INPP4B: variants seen among roughly 807,000 people sequenced by gnomAD.
The protein encoded by INPP4B is inositol polyphosphate 4-phosphatase type II.
A neutral mutation model predicts 122.5 loss-of-function variants in INPP4B; 55 were observed. That is an observed-to-expected ratio of 0.45 (90% CI 0.36 to 0.56). The LOEUF (loss-of-function observed/expected upper bound fraction) is 0.56, where lower values mean the gene tolerates loss of function less well. INPP4B is among the 20% of genes least tolerant of loss of function. The pLI, the probability that INPP4B is intolerant of heterozygous loss-of-function variation, is 0.00. For missense variants in INPP4B, 1,000 were observed against 1,097.7 expected, an observed-to-expected ratio of 0.91 and a Z score of 1.26; for synonymous variants, 403 against 388.7, an observed-to-expected ratio of 1.04 and a Z score of -0.43.
rs144841703 is a variant in INPP4B, at chr4:142,053,851, C to T, written c.2643-24937G>A. 9.2e-3 allele frequency among the ~76,000 whole-genome samples: 1,407 copies of T among 152,158 alleles called. 16 individuals carry two copies. Among genetic ancestry groups the T allele is most frequent in the Non-Finnish European group, 0.014 (972 of 67,982 alleles). On this transcript the variant is annotated intron_variant, in intron 25 of 25. Coordinates refer to ENST00000262992, the MANE Select transcript of INPP4B (RefSeq NM_001101669.3). ...TAGACTCCAGTGACCATTCTCTAATCCACTTCAGGCCTAAGCTATTTGCAC... is the reference window on the plus strand; with the variant it reads ...TAGACTCCAGTGACCATTCTCTAATTCACTTCAGGCCTAAGCTATTTGCAC...
chr4:142,535,757 CTCT>C (rs1248074022), intron 2 of INPP4B, among the ~76,000 whole-genome samples: 2 of 124,338 alleles, frequency 1.6e-5, no homozygotes, highest in African/African-American at 5.3e-5. Flanking sequence ...AATCATCATT[CTCT>C]TTTTTTTTCC....
intron 22 of INPP4B, among the ~76,000 whole-genome samples, chr4:142,108,906 T>G (rs1788579232): frequency 6.6e-6 from 1 of 152,150 alleles, no homozygotes; most frequent in Non-Finnish European, 1.5e-5. Context: ...TGTATCTTCA[T>G]CAAAATCTCT....
At chr4:142,836,622 G>A (rs1005835775) in intron 1 of INPP4B, among the ~76,000 whole-genome samples, 8 of 150,928 alleles carry the variant, frequency 5.3e-5, no homozygotes, top group African/African-American at 1.7e-4. Context: ...AGACTAGAGA[G>A]GAAAAAAATT....
At chr4:142,592,976 T>C (rs1419511265) in intron 2 of INPP4B, among the ~76,000 whole-genome samples, 1 of 151,944 alleles carries the variant, frequency 6.6e-6, no homozygotes, top group Non-Finnish European at 1.5e-5. Flanking sequence ...TGGTGGTGCA[T>C]GCCTGTTCTC....
chr4:142,275,436 A>G (rs1747919137), intron 9 of INPP4B, among the ~76,000 whole-genome samples: 1 of 151,794 alleles, frequency 6.6e-6, no homozygotes, highest in African/African-American at 2.4e-5. Context: ...AGGAGTCTTC[A>G]GCTAGGAGAC....
At chr4:142,369,716 T>C (rs1308866470) in intron 7 of INPP4B, among the ~76,000 whole-genome samples, 2 of 151,618 alleles carry the variant, frequency 1.3e-5, no homozygotes, top group Non-Finnish European at 2.9e-5. Flanking sequence ...CACCTGAGGT[T>C]AGGAGTTCGA....
chr4:142,299,310 C>A (rs144465830), intron 9 of INPP4B, among the ~76,000 whole-genome samples: 2 of 151,766 alleles, frequency 1.3e-5, no homozygotes, highest in African/African-American at 4.8e-5. Flanking sequence ...TACAAGCATG[C>A]GCCATCACAC....
chr4:142,831,315 C>A (rs1782107903), intron 1 of INPP4B, among the ~76,000 whole-genome samples: 1 of 152,132 alleles, frequency 6.6e-6, no homozygotes, highest in African/African-American at 2.4e-5. Context: ...TCTTCAAGGG[C>A]AGGCCAGATA....
intron 17 of INPP4B, among the ~76,000 whole-genome samples, chr4:142,159,733 G>A (rs1277165024): frequency 1.3e-5 from 2 of 151,798 alleles, no homozygotes; most frequent in African/African-American, 2.4e-5. Flanking sequence ...ACACCTTCAC[G>A]TTTCTCCCAT....
intron 25 of INPP4B, among the ~76,000 whole-genome samples, chr4:142,070,327 G>C (rs1304142836): frequency 6.6e-6 from 1 of 152,058 alleles, no homozygotes; most frequent in Non-Finnish European, 1.5e-5. Flanking sequence ...GGTATTGATG[G>C]GACATGTCTC....
Position 142,040,588 on chromosome 4 carries a change from CTTAG to C in INPP4B, c.2643-11678_2643-11675del, listed in dbSNP as rs372941021. On this transcript the variant is annotated intron_variant, in intron 25 of 25. Transcript: ENST00000262992. ...CAACAAAAATACATATCTGACATAT[CTTAG>C]TTAGTAGAAAGATAAATAGGGGATT... Among the ~76,000 whole-genome samples, 238 of 152,230 alleles carry C rather than the reference CTTAG, an allele frequency of 1.6e-3. 2 individuals are homozygous for C. Among genetic ancestry groups the C allele is most frequent in the African/African-American group, 5.2e-3 (217 of 41,550 alleles).
At chr4:142,379,566 CAT>C (rs1299506324) in intron 7 of INPP4B, among the ~76,000 whole-genome samples, 2 of 152,206 alleles carry the variant, frequency 1.3e-5, no homozygotes, top group African/African-American at 4.8e-5. Context: ...ATTCCATTCA[CAT>C]GACTCCAAGG....
At chr4:142,445,712 C>G (rs947512611) in intron 3 of INPP4B, among the ~76,000 whole-genome samples, 1 of 152,106 alleles carries the variant, frequency 6.6e-6, no homozygotes, top group Non-Finnish European at 1.5e-5. Context: ...TTATAAAATG[C>G]TCTGCCTAAC....
intron 7 of INPP4B, chr4:142,317,336 G>T: frequency 2.7e-6 from 1 of 363,636 alleles, no homozygotes; most frequent in South Asian, 2.5e-5. Flanking sequence ...ACATGAAAAT[G>T]GGAAATGACT....
chr4:142,229,044 A>G (rs1417415601), intron 12 of INPP4B, among the ~76,000 whole-genome samples: 2 of 151,750 alleles, frequency 1.3e-5, no homozygotes, highest in Non-Finnish European at 2.9e-5. Flanking sequence ...AAATACATAC[A>G]CACTTTGTCT....
chr4:142,147,925 G>A (rs189755087), intron 17 of INPP4B, among the ~76,000 whole-genome samples: 1 of 152,220 alleles, frequency 6.6e-6, no homozygotes. Flanking sequence ...TTTATTCCAG[G>A]AAGAAATGCT....
chr4:142,673,470 A>G (rs1478493286), intron 2 of INPP4B, among the ~76,000 whole-genome samples: 1 of 151,982 alleles, frequency 6.6e-6, no homozygotes, highest in Non-Finnish European at 1.5e-5. Flanking sequence ...AATTGCCACA[A>G]GGAGGTTGGG....
intron 1 of INPP4B, among the ~76,000 whole-genome samples, chr4:142,762,929 C>T (rs903428337): frequency 1.3e-5 from 2 of 152,106 alleles, no homozygotes; most frequent in African/African-American, 4.8e-5. Flanking sequence ...AGGGAGCTGT[C>T]CATTCTTTTT....
chr4:142,689,689 C>A (rs1357752194), intron 2 of INPP4B, among the ~76,000 whole-genome samples: 2 of 152,096 alleles, frequency 1.3e-5, no homozygotes, highest in Non-Finnish European at 2.9e-5. Flanking sequence ...AAGAGGTAAC[C>A]TAAATGGATG....
Sources: gnomAD v4.1 joint callset for allele counts (sites outside exome capture counted in the v4.1 genomes callset) on GRCh38, gnomAD v4.1.1 for gene constraint, MANE v1.5 for transcripts, NCBI Gene and HGNC (gene_info 2026-07-23, HGNC 2026-07-21) for gene names.